Variants in ASTN2 observed in about 807,000 individuals in gnomAD.
The protein encoded by ASTN2 is astrotactin 2.
Under a neutral mutation model 139.8 loss-of-function variants are expected in ASTN2, and 54 were observed. That is an observed-to-expected ratio of 0.39 (90% CI 0.31 to 0.48). ASTN2 has a LOEUF of 0.48. ASTN2 is among the 20% of genes least tolerant of loss of function. The pLI, the probability that ASTN2 is intolerant of heterozygous loss-of-function variation, is 0.95. For missense variants in ASTN2, 1,565 were observed against 1,725.1 expected, an observed-to-expected ratio of 0.91 and a Z score of 1.64; for synonymous variants, 756 against 719.5, an observed-to-expected ratio of 1.05 and a Z score of -0.81.
At chr9:116,996,182 C>A (rs1332380617) in intron 7 of ASTN2, among the ~76,000 whole-genome samples, 2 of 152,082 alleles carry the variant, frequency 1.3e-5, no homozygotes. Flanking sequence ...AGCCACCACA[C>A]CCAGCCCCCA....
intron 1 of ASTN2, among the ~76,000 whole-genome samples, chr9:117,294,049 C>G (rs1834665309): frequency 6.6e-6 from 1 of 152,226 alleles, no homozygotes. Context: ...CTCTCTCCAG[C>G]CTGTGCCTGA....
intron 2 of ASTN2, among the ~76,000 whole-genome samples, chr9:117,278,704 A>G (rs1000698477): frequency 6.6e-6 from 1 of 152,234 alleles, no homozygotes; most frequent in African/African-American, 2.4e-5. Flanking sequence ...TTATTTTGCT[A>G]TTAAAGACGC....
chr9:117,182,933 T>C (rs2132949947), intron 3 of ASTN2, among the ~76,000 whole-genome samples: 1 of 152,292 alleles, frequency 6.6e-6, no homozygotes, highest in South Asian at 2.1e-4. Flanking sequence ...ATACAGACAA[T>C]TATTATTTGT....
intron 17 of ASTN2, among the ~76,000 whole-genome samples, chr9:116,650,092 G>C (rs1178286948): frequency 6.6e-6 from 1 of 152,126 alleles, no homozygotes; most frequent in African/African-American, 2.4e-5. Flanking sequence ...GCTGTGGGAG[G>C]GGCACGGGAT....
At chr9:116,957,749 C>T (rs748399634) in intron 10 of ASTN2, among the ~76,000 whole-genome samples, 11 of 152,308 alleles carry the variant, frequency 7.2e-5, no homozygotes, top group East Asian at 1.9e-4. Context: ...GGTGTGATTT[C>T]GGCTCACTGC....
intron 1 of ASTN2, among the ~76,000 whole-genome samples, chr9:117,405,845 C>T (rs1830967954): frequency 6.6e-6 from 1 of 152,182 alleles, no homozygotes; most frequent in Admixed American, 6.5e-5. Flanking sequence ...AGAGTCTTCT[C>T]CAAACACAAT....
intron 11 of ASTN2, among the ~76,000 whole-genome samples, chr9:116,839,701 C>G (rs542947541): frequency 6.6e-6 from 1 of 151,688 alleles, no homozygotes; most frequent in Non-Finnish European, 1.5e-5. Flanking sequence ...GAGGGAGTCT[C>G]GCTCTGTCGC....
Position 116,698,211 on chromosome 9 carries a change from C to G in ASTN2, c.2806+27560G>C. The G allele has an allele frequency of 6.2e-7, 1 of 1,614,080 alleles. No individual in the cohort carries two copies. Among genetic ancestry groups the G allele is most frequent in the Non-Finnish European group, 8.5e-7 (1 of 1,180,034 alleles). ...CTTTGGAGAGAAGTTAACTCGTCTG[C>G]GGGAACTTATGGGGGAGCTGCAGCG... On this transcript the variant is annotated intron_variant, in intron 16 of 22. Coordinates refer to ENST00000313400, the MANE Select transcript of ASTN2 (RefSeq NM_001365068.1). The surrounding 1 kb of genome is among the most constrained non-coding windows in gnomAD (Gnocchi z 4.4).
At chr9:116,798,278 C>T (rs544821371) in intron 13 of ASTN2, among the ~76,000 whole-genome samples, 85 of 152,280 alleles carry the variant, frequency 5.6e-4, no homozygotes, top group African/African-American at 1.9e-3. Flanking sequence ...CCCAGACAGA[C>T]AAACAAACAA....
At chr9:116,621,011 C>G (rs911321113) in intron 17 of ASTN2, among the ~76,000 whole-genome samples, 1 of 152,170 alleles carries the variant, frequency 6.6e-6, no homozygotes, top group African/African-American at 2.4e-5. Flanking sequence ...TCACCCCTGG[C>G]CACCTTTTCA....
intron 10 of ASTN2, among the ~76,000 whole-genome samples, chr9:116,906,798 T>G (rs1834173623): frequency 6.6e-6 from 1 of 151,966 alleles, no homozygotes; most frequent in South Asian, 2.1e-4. Context: ...GGGAAAGACT[T>G]GAGGTAATTC....
intron 19 of ASTN2, chr9:116,540,734 C>CA (rs1407968804): frequency 6.6e-6 from 1 of 152,186 alleles, no homozygotes; most frequent in Admixed American, 6.5e-5. Flanking sequence ...AAGTTCCATC[C>CA]AACAGGTGAA....
intron 22 of ASTN2, chr9:116,437,206 T>A (rs7034542): frequency 0.92 from 358,295 of 388,578 alleles, 165,159 homozygotes; most frequent in East Asian, 0.96. Context: ...ATAATAATAA[T>A]AAAAAATACC....
intron 17 of ASTN2, among the ~76,000 whole-genome samples, chr9:116,631,030 G>T (rs1856720850): frequency 6.6e-6 from 1 of 152,108 alleles, no homozygotes; most frequent in African/African-American, 2.4e-5. Flanking sequence ...AATTTGGACA[G>T]TTATTACAAA....
At chr9:117,083,934 T>C (rs945693888) in intron 5 of ASTN2, among the ~76,000 whole-genome samples, 2 of 152,000 alleles carry the variant, frequency 1.3e-5, no homozygotes, top group African/African-American at 4.8e-5. Context: ...GGAGTTTTTA[T>C]AGTTAGCTGG....
At chr9:116,788,740 A>G (rs1037778969) in intron 13 of ASTN2, among the ~76,000 whole-genome samples, 4 of 152,158 alleles carry the variant, frequency 2.6e-5, no homozygotes, top group Non-Finnish European at 5.9e-5. Flanking sequence ...TTAGTATTTA[A>G]TTTCTCTCAT....
At chr9:116,710,863 A>C (rs1828136696) in intron 16 of ASTN2, among the ~76,000 whole-genome samples, 1 of 152,164 alleles carries the variant, frequency 6.6e-6, no homozygotes, top group African/African-American at 2.4e-5. Flanking sequence ...ACTAGTAATA[A>C]ATCTCTAAAT....
At chr9:117,119,296 T>C (rs1829481678) in intron 4 of ASTN2, among the ~76,000 whole-genome samples, 1 of 152,188 alleles carries the variant, frequency 6.6e-6, no homozygotes, top group Non-Finnish European at 1.5e-5. Flanking sequence ...TCTGGGGAGA[T>C]GAAAGAAATG....
At chr9:116,923,776 T>C (rs928044902) in intron 10 of ASTN2, among the ~76,000 whole-genome samples, 1 of 152,194 alleles carries the variant, frequency 6.6e-6, no homozygotes, top group African/African-American at 2.4e-5. Flanking sequence ...GGAGATTTAA[T>C]CTAACTTCTG....
Sources: allele counts gnomAD v4.1 joint callset (sites outside exome capture counted in the v4.1 genomes callset), GRCh38; gene constraint gnomAD v4.1.1; non-coding constraint Gnocchi (gnomAD v3.1); transcripts MANE v1.5; gene names NCBI Gene and HGNC (gene_info 2026-07-23, HGNC 2026-07-21).